The following ACSBG2 variants were observed in gnomAD, a reference collection of about 807,000 sequenced individuals.
The protein encoded by ACSBG2 is acyl-CoA synthetase bubblegum family member 2.
In ACSBG2, 62 loss-of-function variants were observed where a neutral mutation model predicts 74.7. The observed-to-expected ratio is 0.83, with a 90% confidence interval of 0.68 to 1.03. The LOEUF is 1.03. Among genes scored for constraint, ACSBG2 ranks in the 50% least tolerant of loss-of-function variants. ACSBG2 has a pLI of 0.00. For synonymous variants in ACSBG2, 309 were observed against 294.1 expected, an observed-to-expected ratio of 1.05 and a Z score of -0.52; for missense variants, 730 against 817.6, an observed-to-expected ratio of 0.89 and a Z score of 1.31.
At chr19:6,147,294 T>G in intron 2 of ACSBG2, 152 bp from the exon 3 acceptor site, 1 of 623,744 alleles carries the variant, frequency 1.6e-6, no homozygotes. Context: ...AAAGGAAGCT[T>G]GTCTTGCCAG....
chr19:6,136,252 C>T (rs925602558), intron 1 of ACSBG2, among the ~76,000 whole-genome samples: 2 of 152,118 alleles, frequency 1.3e-5, no homozygotes, highest in African/African-American at 4.8e-5. Flanking sequence ...CCACCATGCC[C>T]GGCTAATTTT....
intron 2 of ACSBG2, among the ~76,000 whole-genome samples, chr19:6,143,262 A>AT (rs2088912340): frequency 6.6e-6 from 1 of 151,876 alleles, no homozygotes; most frequent in South Asian, 2.1e-4. Flanking sequence ...AACAGCAGAA[A>AT]TGTATTGTCT....
intron 10 of ACSBG2, 86 bp downstream of exon 10, chr19:6,183,358 T>A: frequency 8.7e-7 from 1 of 1,154,392 alleles, no homozygotes; most frequent in Non-Finnish European, 1.3e-6. Context: ...GCCTCTGGGT[T>A]AAGAGGAATC....
chr19:6,156,986 G>A (rs929672230), intron 5 of ACSBG2, among the ~76,000 whole-genome samples: 8 of 150,576 alleles, frequency 5.3e-5, no homozygotes, highest in Non-Finnish European at 1.0e-4. Context: ...TCGCTCTGTC[G>A]CCCAAGCTGG....
intron 6 of ACSBG2, chr19:6,161,719 G>C (rs78461511): frequency 0.069 from 11,357 of 164,394 alleles, 745 homozygotes; most frequent in African/African-American, 0.18. Flanking sequence ...AAAGGGAAAT[G>C]GGAGGTGAGC....
At chr19:6,175,171 G>A (rs889020931) in intron 7 of ACSBG2, 1 of 152,202 alleles carries the variant, frequency 6.6e-6, no homozygotes, top group African/African-American at 2.4e-5. Flanking sequence ...AAGGTTTATG[G>A]GAGCCTTCAT....
chr19:6,186,155 G>A (rs761638560), intron 11 of ACSBG2, among the ~76,000 whole-genome samples: 3 of 151,192 alleles, frequency 2.0e-5, no homozygotes, highest in Non-Finnish European at 4.4e-5. Flanking sequence ...GATAATAATC[G>A]ACAGAGTTGT....
intron 1 of ACSBG2, among the ~76,000 whole-genome samples, chr19:6,140,065 T>G (rs1403591884): frequency 6.6e-6 from 1 of 151,268 alleles, no homozygotes; most frequent in Non-Finnish European, 1.5e-5. Flanking sequence ...CTACTAAAAA[T>G]ACAAAAAAAA....
At position 6,177,226 on chromosome 19, in the gene ACSBG2, C is replaced by T; in HGVS notation, c.739-3C>T. On this transcript the variant is annotated splice_polypyrimidine_tract_variant and splice_region_variant and intron_variant, in intron 7 of 14. Transcript: ENST00000588485. The stretch of plus-strand genomic sequence containing the variant: ...GCACCTTGGATTGTCCCTTATGTTA[C>T]AGATCACGTGGATTGCAGGAGCAGT... 6.2e-7 allele frequency: 1 copy of T among 1,613,972 alleles called. No homozygotes were observed. The highest frequency in any genetic ancestry group is 8.5e-7 in the Non-Finnish European group (1 of 1,179,970).
chr19:6,182,622 TTGG>T, intron 8 of ACSBG2, 126 bp from the exon 9 acceptor site: 7 of 870,094 alleles, frequency 8.0e-6, no homozygotes, highest in Non-Finnish European at 1.2e-5. Flanking sequence ...CTCCTTTTGG[TTGG>T]GAGTCCTGCG....
At position 6,187,857 on chromosome 19, in the gene ACSBG2, T is replaced by C; in HGVS notation, c.1927+12T>C. Reference sequence around the variant, plus strand: ...TGGTGGAGAGCTAGGTGAGTGGCCATGACATTTGGAGGCTGGTCCCTTGTT... The same window carrying C: ...TGGTGGAGAGCTAGGTGAGTGGCCACGACATTTGGAGGCTGGTCCCTTGTT... On this transcript the variant is annotated intron_variant, in intron 13 of 14. Coordinates refer to ENST00000588485, the MANE Select transcript of ACSBG2 (RefSeq NM_030924.5). 3 of 1,612,550 alleles carry C rather than the reference T, an allele frequency of 1.9e-6. No homozygotes were observed. The highest frequency in any genetic ancestry group is 1.7e-6 in the Non-Finnish European group (2 of 1,179,172).
At chr19:6,140,224 C>A (rs867970669) in intron 1 of ACSBG2, among the ~76,000 whole-genome samples, 147 of 115,646 alleles carry the variant, frequency 1.3e-3, no homozygotes, top group Middle Eastern at 4.9e-3. Flanking sequence ...GACTCCGTCT[C>A]AAAAAAAAAA....
At chr19:6,147,259 G>A (rs940912072) in intron 2 of ACSBG2, among the ~76,000 whole-genome samples, 187 bp from the exon 3 acceptor site, 10 of 152,060 alleles carry the variant, frequency 6.6e-5, no homozygotes, top group East Asian at 3.9e-4. Context: ...TTGGCGGGGC[G>A]GGGAATGAAA....
chr19:6,156,653 G>C, intron 5 of ACSBG2, 102 bp downstream of exon 5: 1 of 1,287,034 alleles, frequency 7.8e-7, no homozygotes, highest in Non-Finnish European at 1.0e-6. Context: ...TGATAAGATA[G>C]GGCCATGCAT....
At chr19:6,173,679 T>A (rs16993428) in intron 7 of ACSBG2, among the ~76,000 whole-genome samples, 15,892 of 152,098 alleles carry the variant, frequency 0.1, 1,659 homozygotes, top group African/African-American at 0.27. Context: ...AGTTCAAAAC[T>A]TATCCATTTA....
At chr19:6,188,069 T>G (rs1001987961) in intron 13 of ACSBG2, among the ~76,000 whole-genome samples, 3 of 152,202 alleles carry the variant, frequency 2.0e-5, no homozygotes, top group Non-Finnish European at 4.4e-5. Flanking sequence ...CCTGCTGACC[T>G]TTCATTCACT....
At chr19:6,147,743 A>G in intron 3 of ACSBG2, 68 bp downstream of exon 3, 1 of 1,493,738 alleles carries the variant, frequency 6.7e-7, no homozygotes, top group South Asian at 1.1e-5. Context: ...ACATACATAC[A>G]TGTGGTACAA....
intron 5 of ACSBG2, among the ~76,000 whole-genome samples, chr19:6,159,018 C>T (rs945649013): frequency 2.0e-5 from 3 of 151,878 alleles, no homozygotes; most frequent in Non-Finnish European, 4.4e-5. Flanking sequence ...AGAGCAGTGG[C>T]GCCATCTTGG....
At chr19:6,177,418 G>C in intron 8 of ACSBG2, 22 bp downstream of exon 8, 2 of 1,554,484 alleles carry the variant, frequency 1.3e-6, no homozygotes, top group South Asian at 2.5e-5. Context: ...TAAGGACCTG[G>C]GGCTCCGACT....
Sources: allele counts gnomAD v4.1 joint callset (sites outside exome capture counted in the v4.1 genomes callset), GRCh38; gene constraint gnomAD v4.1.1; transcripts MANE v1.5; gene names NCBI Gene and HGNC (gene_info 2026-07-23, HGNC 2026-07-21).